CSMD1: variants seen among roughly 807,000 people sequenced by gnomAD.
The protein encoded by CSMD1 is CUB and Sushi multiple domains 1.
Under a neutral mutation model 417.5 loss-of-function variants are expected in CSMD1, and 213 were observed. The observed-to-expected ratio is 0.51, with a 90% confidence interval of 0.46 to 0.57. The LOEUF (loss-of-function observed/expected upper bound fraction) is 0.57. Among genes scored for constraint, CSMD1 ranks in the 20% least tolerant of loss-of-function variants. The probability of loss-of-function intolerance (pLI) is 0.00; values close to 1 mark genes in which losing one functional copy is unlikely to be tolerated. For missense variants in CSMD1, 6,923 were observed against 4,529.7 expected, an observed-to-expected ratio of 1.53 and a Z score of -15.17; for synonymous variants, 2,862 against 1,736.8, an observed-to-expected ratio of 1.65 and a Z score of -16.11.
chr8:3,108,307 A>G (rs1816277427), intron 44 of CSMD1, among the ~76,000 whole-genome samples: 1 of 152,202 alleles, frequency 6.6e-6, no homozygotes, highest in East Asian at 1.9e-4. Context: ...TTATCTTGAG[A>G]CAGGGATGAG....
chr8:3,809,477 G>C (rs1013772341), intron 5 of CSMD1, among the ~76,000 whole-genome samples: 1 of 152,136 alleles, frequency 6.6e-6, no homozygotes, highest in Non-Finnish European at 1.5e-5. Context: ...GTTCATACTG[G>C]GCTGCGTGAT....
chr8:4,254,554 T>G (rs1466278082), intron 3 of CSMD1, among the ~76,000 whole-genome samples: 1 of 152,148 alleles, frequency 6.6e-6, no homozygotes, highest in Non-Finnish European at 1.5e-5. Flanking sequence ...ACTACAGTAG[T>G]GTACAGTCAT....
chr8:3,975,474 G>A (rs1279575595), intron 5 of CSMD1, among the ~76,000 whole-genome samples: 2 of 152,028 alleles, frequency 1.3e-5, no homozygotes, highest in East Asian at 1.9e-4. Context: ...ACATCACAGT[G>A]GAGTGACACT....
intron 3 of CSMD1, among the ~76,000 whole-genome samples, chr8:4,331,322 G>A (rs1435284630): frequency 2.6e-5 from 4 of 152,130 alleles, no homozygotes; most frequent in African/African-American, 9.7e-5. Context: ...GGGTGCAAAC[G>A]CAGTTTTGAG....
At chr8:3,007,480 A>C (rs1428048321) in intron 52 of CSMD1, among the ~76,000 whole-genome samples, 3 of 151,474 alleles carry the variant, frequency 2.0e-5, no homozygotes, top group African/African-American at 7.4e-5. Flanking sequence ...ACGTATGTTT[A>C]TTGCGGCATT....
At chr8:4,409,648 T>C (rs866844855) in intron 3 of CSMD1, among the ~76,000 whole-genome samples, 3,136 of 139,824 alleles carry the variant, frequency 0.022, 97 homozygotes, top group African/African-American at 0.073. Context: ...TTTTCTTTTT[T>C]TTTTTTTTTT....
chr8:3,869,979 T>A (rs35387645), intron 5 of CSMD1, among the ~76,000 whole-genome samples: 12,382 of 152,218 alleles, frequency 0.081, 559 homozygotes, highest in South Asian at 0.16. Flanking sequence ...AAAATTACAA[T>A]AATAATACAT....
At chr8:4,154,363 T>C (rs755725669) in intron 3 of CSMD1, among the ~76,000 whole-genome samples, 1 of 152,236 alleles carries the variant, frequency 6.6e-6, no homozygotes, top group African/African-American at 2.4e-5. Flanking sequence ...CAAATGTCCA[T>C]GTTTTGTGAC....
chr8:4,967,850 A>G (rs1287540584), intron 1 of CSMD1, among the ~76,000 whole-genome samples: 4 of 152,290 alleles, frequency 2.6e-5, no homozygotes, highest in African/African-American at 9.6e-5. Context: ...TGAGATGACA[A>G]CTTTACAAGT....
chr8:3,878,046 T>C (rs1172108442), intron 5 of CSMD1, among the ~76,000 whole-genome samples: 1 of 152,138 alleles, frequency 6.6e-6, no homozygotes, highest in Non-Finnish European at 1.5e-5. Context: ...CTCCATCTAA[T>C]TACATATTCA....
chr8:4,337,522 C>A (rs1037102945), intron 3 of CSMD1, among the ~76,000 whole-genome samples: 4 of 152,032 alleles, frequency 2.6e-5, no homozygotes, highest in Admixed American at 2.6e-4. Flanking sequence ...ATACTCAGAT[C>A]GTAACATTAT....
At chr8:3,446,764 G>C (rs1435819758) in intron 12 of CSMD1, among the ~76,000 whole-genome samples, 2 of 152,228 alleles carry the variant, frequency 1.3e-5, no homozygotes, top group African/African-American at 4.8e-5. Flanking sequence ...CTAGACTTCG[G>C]AATCCTGACG....
At chr8:3,064,261 G>C (rs1412620409) in intron 49 of CSMD1, among the ~76,000 whole-genome samples, 1 of 152,180 alleles carries the variant, frequency 6.6e-6, no homozygotes, top group Non-Finnish European at 1.5e-5. Context: ...ATCTCATGTT[G>C]AATTGGCGGG....
rs371001560 is a variant in CSMD1 at position 3,635,848 on chromosome 8, G to A, written c.1010-19051C>T. The stretch of plus-strand genomic sequence containing the variant: ...AGAAAGAAAAAAAAAATGAGACACT[G>A]CACACTTAGGTTACTCTACATTTGT... On this transcript the variant is annotated intron_variant, in intron 7 of 69. Coordinates refer to ENST00000635120, the MANE Select transcript of CSMD1 (RefSeq NM_033225.6). Among the ~76,000 whole-genome samples the A allele has an allele frequency of 1.4e-3, 203 of 148,134 alleles. 6 individuals are homozygous for A. In the South Asian group the frequency reaches 0.043, roughly 31 times the overall value.
chr8:4,663,534 A>G (rs1409675564), intron 1 of CSMD1, among the ~76,000 whole-genome samples: 1 of 152,112 alleles, frequency 6.6e-6, no homozygotes, highest in Non-Finnish European at 1.5e-5. Flanking sequence ...AGTGCATGCT[A>G]GTGAGTTCTC....
intron 1 of CSMD1, among the ~76,000 whole-genome samples, chr8:4,969,885 T>A (rs1406683382): frequency 6.6e-6 from 1 of 152,108 alleles, no homozygotes; most frequent in African/African-American, 2.4e-5. Context: ...TACGAGTGTA[T>A]CAAAATAAAG....
intron 5 of CSMD1, among the ~76,000 whole-genome samples, chr8:3,856,342 C>T (rs943451279): frequency 1.1e-4 from 17 of 152,168 alleles, no homozygotes; most frequent in Non-Finnish European, 2.2e-4. Context: ...AGCTGCTATG[C>T]TTCCTGTACA....
intron 3 of CSMD1, among the ~76,000 whole-genome samples, chr8:4,360,861 T>C (rs1801717352): frequency 6.6e-6 from 1 of 152,274 alleles, no homozygotes; most frequent in East Asian, 1.9e-4. Flanking sequence ...CCTTTATCTA[T>C]CTTTAATATT....
At chr8:3,452,052 C>G (rs1318509425) in intron 12 of CSMD1, among the ~76,000 whole-genome samples, 1 of 152,068 alleles carries the variant, frequency 6.6e-6, no homozygotes, top group Non-Finnish European at 1.5e-5. Flanking sequence ...AGTTGGATTC[C>G]TAGGTATTTT....
Sources: allele counts gnomAD v4.1 joint callset (sites outside exome capture counted in the v4.1 genomes callset), GRCh38; gene constraint gnomAD v4.1.1; transcripts MANE v1.5; gene names NCBI Gene and HGNC (gene_info 2026-07-23, HGNC 2026-07-21).